The following PIR variants were observed in gnomAD, a reference collection of about 807,000 sequenced individuals.
PIR encodes pirin.
Under a neutral mutation model 24.2 loss-of-function variants are expected in PIR, and 22 were observed. The observed-to-expected ratio is 0.91, with a 90% CI of 0.65 to 1.30. The LOEUF (loss-of-function observed/expected upper bound fraction) is 1.30, where lower values mean the gene tolerates loss of function less well. Among genes scored for constraint, PIR ranks in the 50% most tolerant of loss-of-function variants. The pLI is 0.00. For synonymous variants in PIR, 80 were observed against 79.6 expected (o/e 1.00, Z -0.03); for missense variants, 220 against 220.3 (o/e 1.00, Z 0.01).
chrX:15,485,626 G>A (rs1416882792), intron 2 of PIR, among the ~76,000 whole-genome samples: 2 of 112,071 alleles, frequency 1.8e-5, no homozygotes, highest in Non-Finnish European at 3.8e-5. Context: ...GAAGCTAGGG[G>A]GCTGATTGAG....
At chrX:15,414,156 C>A (rs1295007599) in intron 6 of PIR, among the ~76,000 whole-genome samples, 5 of 112,092 alleles carry the variant, frequency 4.5e-5, no homozygotes, top group African/African-American at 1.6e-4. Flanking sequence ...TACAATAGTA[C>A]TACAAATGTA....
Position 15,466,247 on chromosome X carries a change from T to G in PIR, c.190-6507A>C, listed in dbSNP as rs190418872. Among the ~76,000 whole-genome samples, 561 of 111,643 alleles carry G rather than the reference T, an allele frequency of 5.0e-3. 6 individuals are homozygous for G. The highest frequency in any genetic ancestry group is 6.5e-3 in the Non-Finnish European group (343 of 53,073). ...CGGGAAAATCACCCAATTGACTAAATTGACTCACCCAATCCCAACCCCACA... is the reference window on the plus strand; with the variant it reads ...CGGGAAAATCACCCAATTGACTAAAGTGACTCACCCAATCCCAACCCCACA... On this transcript the variant is annotated intron_variant, in intron 3 of 9. Transcript: ENST00000380420.
chrX:15,432,698 AT>A (rs1925548394), intron 5 of PIR, among the ~76,000 whole-genome samples: 1 of 112,256 alleles, frequency 8.9e-6, no homozygotes, highest in Admixed American at 9.4e-5. Context: ...ATGAGAACAC[AT>A]TGAAGAAGAA....
chrX:15,440,987 C>T (rs1925896789), intron 5 of PIR, among the ~76,000 whole-genome samples: 1 of 111,624 alleles, frequency 9.0e-6, no homozygotes, highest in Admixed American at 9.5e-5. Flanking sequence ...TTCATGGAAC[C>T]AAAACCGGTA....
intron 5 of PIR, among the ~76,000 whole-genome samples, chrX:15,426,402 C>T (rs1858331672): frequency 1.8e-5 from 2 of 112,001 alleles, no homozygotes; most frequent in African/African-American, 3.2e-5. Flanking sequence ...TTTAAAAATG[C>T]GGCCTGCACA....
intron 8 of PIR, among the ~76,000 whole-genome samples, chrX:15,391,038 C>G (rs988473898): frequency 9.0e-6 from 1 of 111,346 alleles, no homozygotes; most frequent in Admixed American, 9.6e-5. Flanking sequence ...ATTTCACTGT[C>G]GTAGCACTAT....
chrX:15,405,367 C>T (rs1017710729), intron 7 of PIR, among the ~76,000 whole-genome samples: 1 of 112,266 alleles, frequency 8.9e-6, no homozygotes, highest in Non-Finnish European at 1.9e-5. Flanking sequence ...GGAATAGCCA[C>T]CCAATTTGTT....
intron 6 of PIR, among the ~76,000 whole-genome samples, chrX:15,410,250 C>T (rs1297352372): frequency 9.3e-6 from 1 of 107,766 alleles, no homozygotes; most frequent in African/African-American, 3.5e-5. Flanking sequence ...GACTCTGTCT[C>T]GGAAAAAAAC....
chrX:15,462,876 T>C (rs774925914), intron 3 of PIR, among the ~76,000 whole-genome samples: 38 of 112,224 alleles, frequency 3.4e-4, no homozygotes, highest in African/African-American at 1.2e-3. Context: ...TGAAGTCCTA[T>C]AATGTCCTAG....
chrX:15,437,681 A>G (rs1925792672), intron 5 of PIR, among the ~76,000 whole-genome samples: 1 of 112,568 alleles, frequency 8.9e-6, no homozygotes, highest in Non-Finnish European at 1.9e-5. Flanking sequence ...AACTATTCCC[A>G]ACATCTGCTA....
At chrX:15,421,419 A>C (rs1925126824) in intron 6 of PIR, among the ~76,000 whole-genome samples, 1 of 111,231 alleles carries the variant, frequency 9.0e-6, no homozygotes, top group Admixed American at 9.6e-5. Flanking sequence ...AATAAATGAG[A>C]GAAGACCCAA....
At chrX:15,401,618 T>A (rs1924389077) in intron 7 of PIR, among the ~76,000 whole-genome samples, 1 of 112,156 alleles carries the variant, frequency 8.9e-6, no homozygotes, top group Non-Finnish European at 1.9e-5. Flanking sequence ...CCAAATCAGA[T>A]AACAAATAGT....
At chrX:15,445,955 G>C (rs1011866055) in intron 5 of PIR, among the ~76,000 whole-genome samples, 1 of 98,681 alleles carries the variant, frequency 1.0e-5, no homozygotes, top group East Asian at 3.3e-4. Flanking sequence ...TCAGCCTCCC[G>C]AGTAGCTGGG....
chrX:15,450,279 G>A lies in PIR; in HGVS notation c.480+5569C>T, dbSNP rs542076161. ...CCCAAGCAAGTGTTGTTTTTCCTTT[G>A]CTTGCTCTCTGGGACAGCTGGAGCC... On this transcript the variant is annotated intron_variant, in intron 5 of 9. Transcript: ENST00000380420. Among the ~76,000 whole-genome samples, 9 of 110,922 alleles carry A rather than the reference G, an allele frequency of 8.1e-5. 1 individual carries two copies. Among genetic ancestry groups the A allele is most frequent in the Admixed American group, 2.9e-4 (3 of 10,378 alleles).
chrX:15,459,718 C>T lies in PIR; in HGVS notation c.212G>A (p.Gly71Asp). The change falls in exon 4 of 10, where the codon GGC becomes GAC. Residue 71 changes from glycine (G) to aspartate (D), a missense_variant. Coordinates refer to ENST00000380420, the MANE Select transcript of PIR (RefSeq NM_001018109.3). ...ACAGAAGTCTTCATGGGCCATGCTG[C>T]CCCCTTCCAGGAGGTAGGATACCTT... ...FETVSYLLEG[G>D]SMAHEDFCGH... 2 of 1,187,221 alleles carry T rather than the reference C, an allele frequency of 1.7e-6. No homozygotes were observed. The highest frequency in any genetic ancestry group is 1.8e-5 in the South Asian group (1 of 56,235).
intron 7 of PIR, among the ~76,000 whole-genome samples, chrX:15,398,109 A>AG (rs1476703828): frequency 1.0e-5 from 1 of 97,813 alleles, no homozygotes; most frequent in Non-Finnish European, 2.1e-5. Flanking sequence ...GGGTGGGGGT[A>AG]GGGGGGAGGG....
chrX:15,483,169 A>T (rs1473328031), intron 2 of PIR, among the ~76,000 whole-genome samples: 1 of 98,340 alleles, frequency 1.0e-5, no homozygotes, highest in Non-Finnish European at 2.1e-5. Flanking sequence ...TTATACATAT[A>T]TATATAAATT....
intron 8 of PIR, among the ~76,000 whole-genome samples, chrX:15,390,764 G>T (rs1428896630): frequency 1.8e-5 from 2 of 111,192 alleles, no homozygotes; most frequent in Non-Finnish European, 3.8e-5. Context: ...CCTCCAAAAG[G>T]GTCCTATTAC....
chrX:15,389,293 A>G (rs1435558281), intron 9 of PIR, among the ~76,000 whole-genome samples: 1 of 112,112 alleles, frequency 8.9e-6, no homozygotes, highest in Non-Finnish European at 1.9e-5. Flanking sequence ...TCGGATGCGT[A>G]CAAAATGGTT....
Sources: allele counts gnomAD v4.1 joint callset (sites outside exome capture counted in the v4.1 genomes callset), GRCh38; gene constraint gnomAD v4.1.1; transcripts MANE v1.5; gene names NCBI Gene and HGNC (gene_info 2026-07-23, HGNC 2026-07-21).